CPQ: variants seen among roughly 807,000 people sequenced by gnomAD.
The protein encoded by CPQ is Ser-Met dipeptidase.
A neutral mutation model predicts 45.7 loss-of-function variants in CPQ; 37 were observed. The ratio of observed to expected loss-of-function variants is 0.81; its 90% CI spans 0.62 to 1.07. The LOEUF (loss-of-function observed/expected upper bound fraction) is 1.07, where lower values mean the gene tolerates loss of function less well. CPQ is among the 50% of genes least tolerant of loss of function. CPQ has a pLI of 0.00. For synonymous variants in CPQ, 186 were observed against 205.8 expected, an observed-to-expected ratio of 0.90 and a Z score of 0.82; for missense variants, 537 against 572.9, an observed-to-expected ratio of 0.94 and a Z score of 0.64.
intron 1 of CPQ, among the ~76,000 whole-genome samples, chr8:96,708,035 G>A (rs139748504): frequency 6.6e-6 from 1 of 152,108 alleles, no homozygotes; most frequent in African/African-American, 2.4e-5. Context: ...ATTTAGGAGA[G>A]AGTCCATTTT....
At chr8:96,667,117 G>A (rs774809141) in intron 1 of CPQ, among the ~76,000 whole-genome samples, 6 of 151,470 alleles carry the variant, frequency 4.0e-5, no homozygotes, top group Non-Finnish European at 7.4e-5. Context: ...AATCTACCCC[G>A]CCATTTGGAC....
chr8:97,119,468 G>C (rs1811660622), intron 7 of CPQ, among the ~76,000 whole-genome samples: 1 of 151,746 alleles, frequency 6.6e-6, no homozygotes, highest in Non-Finnish European at 1.5e-5. Flanking sequence ...TGGTGGGGGG[G>C]AATACAAATC....
At chr8:97,004,906 CTG>C (rs147695952) in intron 5 of CPQ, among the ~76,000 whole-genome samples, 2,133 of 152,114 alleles carry the variant, frequency 0.014, 26 homozygotes, top group Non-Finnish European at 0.021. Flanking sequence ...TATTTCTTTT[CTG>C]TGTTTCCCAA....
At chr8:97,052,814 TTC>T (rs1810385014) in intron 6 of CPQ, among the ~76,000 whole-genome samples, 1 of 152,192 alleles carries the variant, frequency 6.6e-6, no homozygotes, top group African/African-American at 2.4e-5. Flanking sequence ...TTATGGCCAC[TTC>T]TTAAAAAATC....
chr8:96,917,341 T>C (rs1430008231), intron 4 of CPQ, among the ~76,000 whole-genome samples: 4 of 152,156 alleles, frequency 2.6e-5, no homozygotes, highest in Non-Finnish European at 5.9e-5. Context: ...TAGTACTAGT[T>C]TATTTATTAT....
chr8:97,064,766 A>G lies in CPQ; in HGVS notation c.1054-1243A>G, dbSNP rs976849867. On this transcript the variant is annotated intron_variant, in intron 6 of 7. Coordinates refer to ENST00000220763, the MANE Select transcript of CPQ (RefSeq NM_016134.4). ...GAAAAAAATACTATGCAATCCCCAA[A>G]TTGTTATGTAGGTGGAAAATCATTC... Among the ~76,000 whole-genome samples the G allele has an allele frequency of 5.3e-5, 8 of 152,234 alleles. 1 individual carries two copies. Among genetic ancestry groups the G allele is most frequent in the Admixed American group, 5.2e-4 (8 of 15,278 alleles).
intron 7 of CPQ, among the ~76,000 whole-genome samples, chr8:97,103,302 A>T (rs1466291066): frequency 6.6e-6 from 1 of 152,240 alleles, no homozygotes; most frequent in Non-Finnish European, 1.5e-5. Context: ...ATTATTCAAC[A>T]TCATTGAGAC....
rs376390317 is a variant in CPQ at position 97,050,779 on chromosome 8, A to G, written c.1054-15230A>G. 5.9e-5 allele frequency among the ~76,000 whole-genome samples: 9 copies of G among 152,296 alleles called. No homozygotes were observed. The East Asian group carries it at 1.2e-3, about 20-fold the overall frequency. On this transcript the variant is annotated intron_variant, in intron 6 of 7. Transcript: ENST00000220763. ...TCCAGCTTGTACCCATTGTCCTGAC[A>G]TAATCATTAATAGAATCCCTTTTCA...
At chr8:97,066,964 T>C (rs2130530166) in intron 7 of CPQ, among the ~76,000 whole-genome samples, 1 of 129,606 alleles carries the variant, frequency 7.7e-6, no homozygotes, top group South Asian at 2.7e-4. Context: ...TCTCACTCTG[T>C]CACCTGGGCT....
intron 4 of CPQ, among the ~76,000 whole-genome samples, chr8:96,912,332 TGG>T (rs1303903701): frequency 6.6e-6 from 1 of 152,208 alleles, no homozygotes; most frequent in Non-Finnish European, 1.5e-5. Context: ...GTGAGCAAGG[TGG>T]TAAGAAAGCC....
intron 2 of CPQ, among the ~76,000 whole-genome samples, chr8:96,797,370 T>G (rs1810945516): frequency 6.6e-6 from 1 of 152,172 alleles, no homozygotes; most frequent in African/African-American, 2.4e-5. Context: ...AATACTCCTT[T>G]CATTATGTCC....
chr8:96,653,074 G>C (rs1815596875), intron 1 of CPQ, among the ~76,000 whole-genome samples: 1 of 152,170 alleles, frequency 6.6e-6, no homozygotes, highest in Non-Finnish European at 1.5e-5. Flanking sequence ...TGGGACTACA[G>C]GTGTGCCACT....
chr8:96,873,449 G>A (rs1159165319), intron 3 of CPQ, among the ~76,000 whole-genome samples: 2 of 150,978 alleles, frequency 1.3e-5, no homozygotes, highest in Non-Finnish European at 3.0e-5. Flanking sequence ...TTCTCTTATT[G>A]TTGTTAATGA....
At chr8:96,652,718 C>T (rs866603451) in intron 1 of CPQ, among the ~76,000 whole-genome samples, 120 of 152,216 alleles carry the variant, frequency 7.9e-4, no homozygotes, top group African/African-American at 2.5e-3. Flanking sequence ...CTGCAAGCTC[C>T]GCCTCCCGGG....
Position 97,036,042 on chromosome 8 carries a change from A to G in CPQ, c.1053+6548A>G, listed in dbSNP as rs180931177. ...TATCTTCATTTCGGTGTTCTGCTTTATGATTTCAGGGAGACCAAAGGCCTT... is the reference window on the plus strand; with the variant it reads ...TATCTTCATTTCGGTGTTCTGCTTTGTGATTTCAGGGAGACCAAAGGCCTT... On this transcript the variant is annotated intron_variant, in intron 6 of 7. Transcript: ENST00000220763. Among the ~76,000 whole-genome samples the G allele has an allele frequency of 1.7e-3, 253 of 152,226 alleles. 3 individuals are homozygous for G. The highest frequency in any genetic ancestry group is 0.013 in the Admixed American group (196 of 15,288).
At chr8:96,904,567 G>A (rs1220921407) in intron 4 of CPQ, among the ~76,000 whole-genome samples, 1 of 152,156 alleles carries the variant, frequency 6.6e-6, no homozygotes, top group Non-Finnish European at 1.5e-5. Flanking sequence ...AAATGGGAGA[G>A]TTGGGAGAGA....
At chr8:96,844,060 A>G (rs1811652392) in intron 3 of CPQ, among the ~76,000 whole-genome samples, 1 of 152,212 alleles carries the variant, frequency 6.6e-6, no homozygotes, top group Admixed American at 6.5e-5. Flanking sequence ...TTATTTATCA[A>G]AAGCACAGCT....
chr8:97,023,484 A>T (rs892272149), intron 5 of CPQ, among the ~76,000 whole-genome samples: 5 of 152,206 alleles, frequency 3.3e-5, no homozygotes, highest in African/African-American at 1.2e-4. Flanking sequence ...AAATAAAAAA[A>T]TAAAAAATAT....
intron 5 of CPQ, among the ~76,000 whole-genome samples, chr8:96,973,838 C>T (rs562088822): frequency 6.6e-4 from 101 of 152,074 alleles, no homozygotes; most frequent in Non-Finnish European, 1.0e-3. Flanking sequence ...TCACCACTAC[C>T]GAGCCAGTAC....
Sources: gnomAD v4.1 joint callset for allele counts (sites outside exome capture counted in the v4.1 genomes callset) on GRCh38, gnomAD v4.1.1 for gene constraint, MANE v1.5 for transcripts, NCBI Gene and HGNC (gene_info 2026-07-23, HGNC 2026-07-21) for gene names.